Variants in FAM83A observed in about 807,000 individuals in gnomAD.
FAM83A encodes the protein protein FAM83A.
Under a neutral mutation model 24.4 loss-of-function variants are expected in FAM83A, and 21 were observed. That is an observed-to-expected ratio of 0.86 (90% confidence interval 0.61 to 1.24). FAM83A has a LOEUF of 1.24. FAM83A is among the 50% of genes most tolerant of loss of function. The pLI, the probability that FAM83A is intolerant of heterozygous loss-of-function variation, is 0.00. For missense variants in FAM83A, 617 were observed against 579.8 expected, an observed-to-expected ratio of 1.06 and a Z score of -0.66; for synonymous variants, 270 against 252.4, an observed-to-expected ratio of 1.07 and a Z score of -0.66.
exon 4 of FAM83A, chr8:123,207,545 C>A: frequency 1.3e-6 from 2 of 1,556,532 alleles, no homozygotes; most frequent in Non-Finnish European, 1.7e-6. Flanking sequence ...CCTCTCCCCG[C>A]GGCCCCACGA....
At position 123,209,636 on chromosome 8, in the gene FAM83A, C is replaced by T; in HGVS notation, c.*1948C>T. The T allele has an allele frequency of 7.0e-7, 1 of 1,433,548 alleles. No individual in the cohort carries two copies. Among genetic ancestry groups the T allele is most frequent in the Non-Finnish European group, 9.6e-7 (1 of 1,037,174 alleles). The allele number at this position is 1,433,548 out of a possible 1,614,324, so 88.8% of individuals were successfully genotyped here. A position where few individuals can be genotyped will look rare whatever the true frequency, so the allele number is the denominator to read the frequency against. ...GGCAAAGCTTGCCAGGTCACAGAAG[C>T]TCCCAAGCCCAGCTTTCCAAAGGCC... On this transcript the variant is annotated 3_prime_UTR_variant, in exon 4 of 4. Transcript: ENST00000690554. The surrounding 1 kb of genome is among the most constrained non-coding windows in gnomAD (Gnocchi z 4.7).
intron 2 of FAM83A, among the ~76,000 whole-genome samples, chr8:123,193,701 A>G (rs1824052058): frequency 6.6e-6 from 1 of 152,218 alleles, no homozygotes; most frequent in Non-Finnish European, 1.5e-5. Flanking sequence ...TGGGAACTCC[A>G]AGATCAACGT....
intron 1 of FAM83A, among the ~76,000 whole-genome samples, chr8:123,190,589 C>T (rs1279816998): frequency 6.6e-6 from 1 of 152,102 alleles, no homozygotes; most frequent in East Asian, 1.9e-4. Context: ...TAATGACTGC[C>T]TAATAAGCTG....
exon 4 of FAM83A, chr8:123,207,782 TC>T (rs1307296858): frequency 3.6e-6 from 5 of 1,405,712 alleles, no homozygotes; most frequent in Non-Finnish European, 4.6e-6. Flanking sequence ...TTGAGCCACT[TC>T]CCTTTGAAAA....
chr8:123,187,923 C>T (rs191657838), intron 1 of FAM83A, among the ~76,000 whole-genome samples: 1,630 of 151,970 alleles, frequency 0.011, 30 homozygotes, highest in African/African-American at 0.037. Flanking sequence ...TGCAATGGCG[C>T]GATCTCAGCT....
chr8:123,209,398 T>C lies in FAM83A; in HGVS notation c.*1710T>C. ...TTATTATTATTATTAATTATTGTATTCCTGTCCTTCACTTTTTTCCTCCTT... is the reference window on the plus strand; with the variant it reads ...TTATTATTATTATTAATTATTGTATCCCTGTCCTTCACTTTTTTCCTCCTT... On this transcript the variant is annotated 3_prime_UTR_variant, in exon 4 of 4. Transcript: ENST00000690554. The surrounding 1 kb of genome is among the most constrained non-coding windows in gnomAD (Gnocchi z 4.7). 6.2e-7 allele frequency: 1 copy of C among 1,607,186 alleles called. No homozygotes were observed. The highest frequency in any genetic ancestry group is 8.5e-7 in the Non-Finnish European group (1 of 1,175,034).
In FAM83A at chr8:123,209,762, C is replaced by T. The variant is rs1824676219; in HGVS notation, c.*2074C>T. ...CTGACCACCCTCCATCAGCAGTCTC[C>T]CCTCCGTGGTCGTCTTTGTTGACAA... is the stretch of plus-strand genomic sequence containing the variant. On this transcript the variant is annotated 3_prime_UTR_variant, in exon 4 of 4. Transcript: ENST00000690554. This position sits in a 1 kb window ranked among gnomAD's most constrained non-coding sequence, Gnocchi z 4.7. 5 of 581,692 alleles carry T rather than the reference C, an allele frequency of 8.6e-6. No homozygotes were observed. The Admixed American group carries it at 8.9e-5, about 10-fold the overall frequency. The allele number at this position is 581,692 out of a possible 1,614,324, so 36.0% of individuals were successfully genotyped here.
At chr8:123,186,704 T>A (rs1483371529) in intron 1 of FAM83A, among the ~76,000 whole-genome samples, 1 of 152,042 alleles carries the variant, frequency 6.6e-6, no homozygotes, top group Admixed American at 6.6e-5. Context: ...GTGGCAGATG[T>A]CTGTAATCCC....
intron 3 of FAM83A, among the ~76,000 whole-genome samples, chr8:123,199,441 AGAGCTATCATT>A (rs886123073): frequency 5.7e-4 from 87 of 152,314 alleles, no homozygotes; most frequent in African/African-American, 2.0e-3. Context: ...GAATTAGAAA[AGAGCTATCATT>A]GACCAGGCGC....
chr8:123,209,450 CAAAAACAA>C lies in FAM83A; in HGVS notation c.*1772_*1779del, dbSNP rs772035982. Reference sequence around the variant, plus strand: ...GTTCCTGAAAGTAAACAAAACAAAACAAAAACAAAAAAACAAACAACACTTTGGTTCCT... The same window carrying C: ...GTTCCTGAAAGTAAACAAAACAAAACAAAAACAAACAACACTTTGGTTCCT... On this transcript the variant is annotated 3_prime_UTR_variant, in exon 4 of 4. Transcript: ENST00000690554. The surrounding 1 kb of genome is among the most constrained non-coding windows in gnomAD (Gnocchi z 4.7). 3 of 1,613,814 alleles carry C rather than the reference CAAAAACAA, an allele frequency of 1.9e-6. No homozygotes were observed. Among genetic ancestry groups the C allele is most frequent in the Non-Finnish European group, 8.5e-7 (1 of 1,179,990 alleles).
At chr8:123,191,854 A>T (rs764767116) in exon 2 of FAM83A, 1 of 1,614,008 alleles carries the variant, frequency 6.2e-7, no homozygotes, top group Admixed American at 1.7e-5. Flanking sequence ...CTTCTGTGAC[A>T]TTCTAGAGGC....
In FAM83A at chr8:123,182,893, CGT is replaced by C; in HGVS notation, c.38_39del (p.Arg13ProfsTer15). 4 of 1,527,054 alleles carry C rather than the reference CGT, an allele frequency of 2.6e-6. No homozygotes were observed. The highest frequency in any genetic ancestry group is 3.5e-6 in the Non-Finnish European group (4 of 1,137,998). The allele number at this position is 1,527,054 out of a possible 1,614,324, so 94.6% of individuals were successfully genotyped here. A position where few individuals can be genotyped will look rare whatever the true frequency, so the allele number is the denominator to read the frequency against. ...AAGGCACCTGGGCAAAATCCGGAAGCGTCTGGAAGATGTCAAGAGCCAGTGGG... is the reference window on the plus strand; with the variant it reads ...AAGGCACCTGGGCAAAATCCGGAAGCCTGGAAGATGTCAAGAGCCAGTGGG... On this transcript the variant is annotated frameshift_variant, in exon 1 of 4. Transcript: ENST00000690554. LOFTEE classifies it high-confidence loss of function.
At position 123,183,770 on chromosome 8, in the gene FAM83A, A is replaced by G. The variant is rs1209085601; in HGVS notation, c.480+434A>G. Among the ~76,000 whole-genome samples, 3 of 142,954 alleles carry G rather than the reference A, an allele frequency of 2.1e-5. No individual in the cohort carries two copies. The East Asian group carries it at 6.1e-4, about 29-fold the overall frequency. The allele number at this position is 142,954 out of a possible 152,430, so 93.8% of individuals were successfully genotyped here. ...GAGTGTAGTGGCACTATCTCGGGTC[A>G]CTGCAACCTCCAACTCCCGGGTTCA... is the stretch of plus-strand genomic sequence containing the variant. On this transcript the variant is annotated intron_variant, in intron 1 of 3. Transcript: ENST00000690554.
intron 1 of FAM83A, among the ~76,000 whole-genome samples, chr8:123,184,063 C>T (rs1270820035): frequency 1.3e-5 from 2 of 152,120 alleles, no homozygotes; most frequent in Admixed American, 1.3e-4. Context: ...CTCCCAGTTG[C>T]CCATAATGGG....
chr8:123,209,952 C>T lies in FAM83A; in HGVS notation c.*2264C>T. The T allele has an allele frequency of 5.0e-6, 1 of 201,826 alleles. No individual in the cohort carries two copies. The highest frequency in any genetic ancestry group is 1.0e-5 in the Non-Finnish European group (1 of 97,284). 12.5% of individuals were successfully genotyped at this position (201,826 alleles called of 1,614,324 possible). A position where few individuals can be genotyped will look rare whatever the true frequency, so the allele number is the denominator to read the frequency against. ...GGTCCAGGTTGCCACATAGAAGCAG[C>T]TCTCCAGTTGAAACCCTCCTCTGCC... is the stretch of plus-strand genomic sequence containing the variant. On this transcript the variant is annotated 3_prime_UTR_variant, in exon 4 of 4. Transcript: ENST00000690554. This position sits in a 1 kb window ranked among gnomAD's most constrained non-coding sequence, Gnocchi z 4.7.
At chr8:123,205,422 T>G (rs1824515504) in intron 3 of FAM83A, among the ~76,000 whole-genome samples, 1 of 152,244 alleles carries the variant, frequency 6.6e-6, no homozygotes, top group Non-Finnish European at 1.5e-5. Flanking sequence ...TGGCTCGGCA[T>G]CAACTGCTCA....
intron 1 of FAM83A, among the ~76,000 whole-genome samples, chr8:123,183,742 C>T (rs1218934757): frequency 3.4e-5 from 5 of 146,518 alleles, no homozygotes; most frequent in African/African-American, 7.7e-5. Flanking sequence ...GTTGCCCAAG[C>T]TGGAGTGTAG....
At chr8:123,194,641 G>A (rs1031634743) in intron 3 of FAM83A, among the ~76,000 whole-genome samples, 1 of 151,980 alleles carries the variant, frequency 6.6e-6, no homozygotes, top group Non-Finnish European at 1.5e-5. Flanking sequence ...CCGCCACCAC[G>A]CCCAGCGAAT....
At chr8:123,207,505 C>A in exon 4 of FAM83A, 1 of 1,578,476 alleles carries the variant, frequency 6.3e-7, no homozygotes, top group East Asian at 2.3e-5. Context: ...CCCACCAAGG[C>A]CCTTGGGGAG....
Sources: gnomAD v4.1 joint callset for allele counts (sites outside exome capture counted in the v4.1 genomes callset) on GRCh38, gnomAD v4.1.1 for gene constraint, Gnocchi (gnomAD v3.1) non-coding constraint, MANE v1.5 for transcripts, NCBI Gene and HGNC (gene_info 2026-07-23, HGNC 2026-07-21) for gene names.